The following ANKDD1A variants were observed in gnomAD, a reference collection of about 807,000 sequenced individuals.
ANKDD1A encodes the protein ankyrin repeat and death domain-containing protein 1A.
In ANKDD1A, 59 loss-of-function variants were observed where a neutral mutation model predicts 63.5. The ratio of observed to expected loss-of-function variants is 0.93; its 90% CI spans 0.75 to 1.15. The LOEUF (loss-of-function observed/expected upper bound fraction) is 1.15, where lower values mean the gene tolerates loss of function less well. Among genes scored for constraint, ANKDD1A ranks in the 50% most tolerant of loss-of-function variants. The pLI, the probability that ANKDD1A is intolerant of heterozygous loss-of-function variation, is 0.00. For synonymous variants in ANKDD1A, 266 were observed against 263.9 expected (o/e 1.01, Z -0.08); for missense variants, 632 against 656.4 (o/e 0.96, Z 0.41).
At chr15:64,953,937 T>TCTTC (rs2085366603) in intron 14 of ANKDD1A, among the ~76,000 whole-genome samples, 1 of 116,928 alleles carries the variant, frequency 8.6e-6, no homozygotes, top group Non-Finnish European at 1.7e-5. Flanking sequence ...TTTTTTCTTT[T>TCTTC]CTTCCTCTTC....
intron 14 of ANKDD1A, 53 bp from the exon 15 acceptor site, chr15:64,957,050 G>A (rs562432202): frequency 6.7e-6 from 3 of 449,024 alleles, no homozygotes; most frequent in African/African-American, 4.1e-5. Flanking sequence ...TACACTTTAA[G>A]GGTGATAATT....
In ANKDD1A at chr15:64,922,025, G is replaced by T. The variant is rs764112527; in HGVS notation, c.366+6G>T. ...AGATCCACTGTGAGAGCAAGGTAAGGCCTCAGCTGGTAGACCCCTGTCCCC... is the reference window on the plus strand; with the variant it reads ...AGATCCACTGTGAGAGCAAGGTAAGTCCTCAGCTGGTAGACCCCTGTCCCC... On this transcript the variant is annotated splice_donor_region_variant and intron_variant, in intron 4 of 14. Coordinates refer to ENST00000319580, the MANE Select transcript of ANKDD1A (RefSeq NM_182703.6). 5.6e-6 allele frequency: 9 copies of T among 1,613,624 alleles called. No individual in the cohort carries two copies. The highest frequency in any genetic ancestry group is 1.7e-4 in the Middle Eastern group (1 of 6,060).
At chr15:64,943,033 A>G (rs1202652995) in intron 10 of ANKDD1A, among the ~76,000 whole-genome samples, 2 of 152,226 alleles carry the variant, frequency 1.3e-5, no homozygotes, top group Non-Finnish European at 2.9e-5. Flanking sequence ...GCTGAAAGCA[A>G]TTTGGCAGAA....
Position 64,915,330 on chromosome 15 carries a change from T to C in ANKDD1A, c.35-467T>C, listed in dbSNP as rs1232339588. On this transcript the variant is annotated intron_variant, in intron 1 of 14. Transcript: ENST00000319580. The stretch of plus-strand genomic sequence containing the variant: ...GGTGGAGGAACAAGGAGACGGAATG[T>C]GCAGGAGTGGGGTAAACATGCCTCT... 2.6e-5 allele frequency among the ~76,000 whole-genome samples: 4 copies of C among 152,258 alleles called. No homozygotes were observed. The East Asian group carries it at 7.7e-4, about 29-fold the overall frequency.
chr15:64,927,383 G>C (rs1330203116), intron 6 of ANKDD1A, among the ~76,000 whole-genome samples: 2 of 152,216 alleles, frequency 1.3e-5, no homozygotes, highest in Non-Finnish European at 2.9e-5. Context: ...CAGATGTGGG[G>C]AAGTGTTAGG....
chr15:64,954,384 C>CTTT (rs2085383875), intron 14 of ANKDD1A, among the ~76,000 whole-genome samples: 2 of 74,832 alleles, frequency 2.7e-5, no homozygotes, highest in African/African-American at 4.4e-5. Flanking sequence ...CTTTTCTTTT[C>CTTT]TTCTTCTTTC....
At chr15:64,915,055 A>G (rs2084958831) in intron 1 of ANKDD1A, among the ~76,000 whole-genome samples, 1 of 152,230 alleles carries the variant, frequency 6.6e-6, no homozygotes, top group African/African-American at 2.4e-5. Context: ...CCGTAATCCC[A>G]GCACTTTGGG....
intron 5 of ANKDD1A, 97 bp downstream of exon 5, chr15:64,926,267 C>A: frequency 1.6e-6 from 2 of 1,241,448 alleles, no homozygotes; most frequent in South Asian, 1.3e-5. Context: ...TGGGTGCATC[C>A]TTTGATCTGT....
At chr15:64,946,978 C>G (rs748887483) in intron 12 of ANKDD1A, among the ~76,000 whole-genome samples, 33 of 152,186 alleles carry the variant, frequency 2.2e-4, no homozygotes, top group Non-Finnish European at 4.4e-4. Context: ...CTTTACTACC[C>G]CTTGTGATTC....
chr15:64,952,574 CTCCTT>C (rs1413702125), intron 14 of ANKDD1A, among the ~76,000 whole-genome samples: 18 of 74,274 alleles, frequency 2.4e-4, no homozygotes, highest in Admixed American at 4.9e-4. Flanking sequence ...CGTTCTTCTT[CTCCTT>C]CTTTTCTTCT....
At chr15:64,935,539 G>C (rs551832572) in intron 9 of ANKDD1A, among the ~76,000 whole-genome samples, 2 of 152,038 alleles carry the variant, frequency 1.3e-5, no homozygotes, top group Non-Finnish European at 2.9e-5. Context: ...GCCGGGCTTT[G>C]TGTCAGGCGC....
intron 14 of ANKDD1A, among the ~76,000 whole-genome samples, chr15:64,955,476 G>T (rs563113264): frequency 1.3e-5 from 2 of 152,204 alleles, no homozygotes; most frequent in African/African-American, 4.8e-5. Flanking sequence ...TGGCTTTGAG[G>T]TGCCAGGCAA....
At chr15:64,955,149 G>A (rs1023489494) in intron 14 of ANKDD1A, among the ~76,000 whole-genome samples, 24 of 151,714 alleles carry the variant, frequency 1.6e-4, no homozygotes, top group Admixed American at 1.5e-3. Flanking sequence ...CACCTCCCAG[G>A]TTCACGCCAT....
intron 6 of ANKDD1A, among the ~76,000 whole-genome samples, chr15:64,928,510 T>G (rs185445354): frequency 1.5e-3 from 222 of 152,088 alleles, no homozygotes; most frequent in Admixed American, 2.2e-3. Flanking sequence ...TGCATACCCC[T>G]GTTAAGTTTT....
intron 14 of ANKDD1A, among the ~76,000 whole-genome samples, chr15:64,952,106 T>TA (rs2085297808): frequency 4.2e-5 from 1 of 23,962 alleles, no homozygotes; most frequent in African/African-American, 6.6e-5. Flanking sequence ...TCTTCCTTCT[T>TA]TTCTTCTTCT....
At chr15:64,939,003 A>C (rs1386872043) in intron 9 of ANKDD1A, among the ~76,000 whole-genome samples, 2 of 151,968 alleles carry the variant, frequency 1.3e-5, no homozygotes, top group Non-Finnish European at 2.9e-5. Context: ...AGTTCTAATA[A>C]TCAATTGACA....
chr15:64,951,429 TC>T (rs1555366900), intron 14 of ANKDD1A: 2,106 of 130,650 alleles, frequency 0.016, 58 homozygotes, highest in Non-Finnish European at 0.021. Flanking sequence ...CCTCTTTTCT[TC>T]TTTTTCTTTC....
chr15:64,954,561 TCTC>T (rs2085390648), intron 14 of ANKDD1A, among the ~76,000 whole-genome samples: 2 of 145,836 alleles, frequency 1.4e-5, no homozygotes, highest in East Asian at 2.1e-4. Context: ...TCTTCTTCCT[TCTC>T]CTTGTTCTCC....
intron 8 of ANKDD1A, among the ~76,000 whole-genome samples, chr15:64,932,943 T>C (rs951834855): frequency 3.8e-5 from 3 of 79,158 alleles, no homozygotes; most frequent in African/African-American, 9.9e-5. Flanking sequence ...ATTGAGACCC[T>C]GTCTCAAGAA....
Sources: gnomAD v4.1 joint callset for allele counts (sites outside exome capture counted in the v4.1 genomes callset) on GRCh38, gnomAD v4.1.1 for gene constraint, MANE v1.5 for transcripts, NCBI Gene and HGNC (gene_info 2026-07-23, HGNC 2026-07-21) for gene names.